PDE3A: variants seen among roughly 807,000 people sequenced by gnomAD.
PDE3A encodes phosphodiesterase 3A, also known as cGMP-inhibited 3',5'-cyclic phosphodiesterase 3A.
PDE3A carries 43 observed loss-of-function variants against 98.3 expected under a neutral mutation model. The ratio of observed to expected loss-of-function variants is 0.44; its 90% CI spans 0.34 to 0.56. The LOEUF (loss-of-function observed/expected upper bound fraction) is 0.56. Among genes scored for constraint, PDE3A ranks in the 20% least tolerant of loss-of-function variants. The pLI is 0.01. For synonymous variants in PDE3A, 663 were observed against 567.9 expected, an observed-to-expected ratio of 1.17 and a Z score of -2.38; for missense variants, 1,427 against 1,440.7, an observed-to-expected ratio of 0.99 and a Z score of 0.15.
chr12:20,675,881 G>T (rs1945624409), intron 15 of PDE3A, among the ~76,000 whole-genome samples: 1 of 152,104 alleles, frequency 6.6e-6, no homozygotes, highest in African/African-American at 2.4e-5. Context: ...CTGTGTACAG[G>T]TGAGATGAGC....
At chr12:20,386,728 A>T (rs1234718805) in intron 1 of PDE3A, among the ~76,000 whole-genome samples, 3 of 152,004 alleles carry the variant, frequency 2.0e-5, no homozygotes, top group African/African-American at 7.2e-5. Context: ...CCCATTCTAT[A>T]GGTTGTTTGT....
At chr12:20,585,815 G>A (rs6487110) in intron 2 of PDE3A, among the ~76,000 whole-genome samples, 150,054 of 152,284 alleles carry the variant, frequency 0.99, 73,961 homozygotes, top group East Asian at 1. Flanking sequence ...TTTGGTTCAT[G>A]CCTTTTCCTT....
chr12:20,579,010 A>G (rs1943004317), intron 2 of PDE3A, among the ~76,000 whole-genome samples: 1 of 151,792 alleles, frequency 6.6e-6, no homozygotes, highest in African/African-American at 2.4e-5. Context: ...TTTTTCTCGG[A>G]TGTACTTTTA....
chr12:20,431,292 A>T (rs1944693329), intron 1 of PDE3A, among the ~76,000 whole-genome samples: 1 of 152,174 alleles, frequency 6.6e-6, no homozygotes, highest in South Asian at 2.1e-4. Flanking sequence ...AAGTTTCTCC[A>T]GTAGGTTTAT....
chr12:20,510,701 G>T (rs1276432569), intron 1 of PDE3A, among the ~76,000 whole-genome samples: 1 of 152,032 alleles, frequency 6.6e-6, no homozygotes, highest in African/African-American at 2.4e-5. Context: ...TTCCATTGTA[G>T]AAATAGAAGA....
chr12:20,447,892 A>G (rs145167275), intron 1 of PDE3A, among the ~76,000 whole-genome samples: 54 of 152,266 alleles, frequency 3.5e-4, no homozygotes, highest in Non-Finnish European at 6.3e-4. Context: ...GGGTGATGCT[A>G]TGTCCAGGTG....
intron 1 of PDE3A, among the ~76,000 whole-genome samples, chr12:20,433,215 C>G (rs1049315529): frequency 3.9e-5 from 6 of 152,094 alleles, no homozygotes; most frequent in African/African-American, 1.4e-4. Context: ...TTTGGTGGGA[C>G]ACAGCAGACC....
At chr12:20,593,349 C>CACTT (rs961576811) in intron 2 of PDE3A, among the ~76,000 whole-genome samples, 3 of 152,078 alleles carry the variant, frequency 2.0e-5, no homozygotes, top group Non-Finnish European at 2.9e-5. Context: ...AATGTTAACA[C>CACTT]ACTTAAAGAC....
rs557004542 is a variant in PDE3A, at chr12:20,387,649, T to C, written c.960+17405T>C. Among the ~76,000 whole-genome samples the C allele has an allele frequency of 2.0e-5, 3 of 152,162 alleles. No individual in the cohort carries two copies. In the South Asian group the frequency reaches 6.2e-4, roughly 32 times the overall value. On this transcript the variant is annotated intron_variant, in intron 1 of 15. Transcript: ENST00000359062. ...TATTAACTCAGACTATCTGTTGACA[T>C]ACAGAGCACTTCAGTGATAGGTGCT... is the stretch of plus-strand genomic sequence containing the variant.
chr12:20,383,316 A>G (rs1943694444), intron 1 of PDE3A, among the ~76,000 whole-genome samples: 2 of 151,990 alleles, frequency 1.3e-5, no homozygotes, highest in Non-Finnish European at 2.9e-5. Flanking sequence ...ATGGTAAAAT[A>G]TCAGTCATTC....
chr12:20,650,043 T>C (rs912629700), intron 13 of PDE3A, among the ~76,000 whole-genome samples: 1 of 152,210 alleles, frequency 6.6e-6, no homozygotes, highest in Non-Finnish European at 1.5e-5. Context: ...GGTAGGTATA[T>C]ATATTTATGG....
chr12:20,590,245 G>A (rs886475312), intron 2 of PDE3A, among the ~76,000 whole-genome samples: 5 of 151,568 alleles, frequency 3.3e-5, no homozygotes, highest in Non-Finnish European at 5.9e-5. Flanking sequence ...TTTCTGATTC[G>A]GCTTCAGGGT....
chr12:20,424,855 C>G (rs1251368443), intron 1 of PDE3A, among the ~76,000 whole-genome samples: 1 of 152,210 alleles, frequency 6.6e-6, no homozygotes, highest in Non-Finnish European at 1.5e-5. Flanking sequence ...AGGATTCCCT[C>G]CTAAATTTCG....
At position 20,588,759 on chromosome 12, in the gene PDE3A, G is replaced by A. The variant is rs1470257137; in HGVS notation, c.1012-24684G>A. 5.3e-5 allele frequency among the ~76,000 whole-genome samples: 8 copies of A among 152,258 alleles called. No individual in the cohort carries two copies. In the East Asian group the frequency reaches 5.8e-4, roughly 11 times the overall value. On this transcript the variant is annotated intron_variant, in intron 2 of 15. Transcript: ENST00000359062. ...ATATGTAGGAGAAAAAGAAGTTGAA[G>A]TGCCAGGAGCTGCTCTCAGAAGCTG...
intron 1 of PDE3A, among the ~76,000 whole-genome samples, chr12:20,470,674 A>G (rs1945421718): frequency 6.6e-6 from 1 of 152,184 alleles, no homozygotes; most frequent in African/African-American, 2.4e-5. Flanking sequence ...TTAAATAATA[A>G]TCTTGGAATT....
intron 6 of PDE3A, 76 bp downstream of exon 6, chr12:20,630,203 C>G: frequency 9.3e-7 from 1 of 1,071,860 alleles, no homozygotes; most frequent in Non-Finnish European, 1.4e-6. Context: ...TACCACCAGC[C>G]CACGCAGCTT....
intron 1 of PDE3A, among the ~76,000 whole-genome samples, chr12:20,454,996 G>C (rs1329263845): frequency 6.6e-6 from 1 of 152,176 alleles, no homozygotes; most frequent in African/African-American, 2.4e-5. Flanking sequence ...CCAGTAATGA[G>C]ATTTCTGGGT....
At chr12:20,519,821 G>T (rs1946390112) in intron 1 of PDE3A, among the ~76,000 whole-genome samples, 2 of 152,278 alleles carry the variant, frequency 1.3e-5, no homozygotes, top group South Asian at 2.1e-4. Flanking sequence ...TCAGGGAAAT[G>T]ACTTTTGAGG....
chr12:20,483,453 T>G (rs1945668782), intron 1 of PDE3A, among the ~76,000 whole-genome samples: 1 of 152,154 alleles, frequency 6.6e-6, no homozygotes, highest in African/African-American at 2.4e-5. Context: ...GGCAAATGAC[T>G]TGCAAATGAG....
Sources: allele counts gnomAD v4.1 joint callset (sites outside exome capture counted in the v4.1 genomes callset), GRCh38; gene constraint gnomAD v4.1.1; transcripts MANE v1.5; gene names NCBI Gene and HGNC (gene_info 2026-07-23, HGNC 2026-07-21).